Variants in CRISPLD2 observed in about 807,000 individuals in gnomAD.
CRISPLD2 encodes the protein cysteine-rich secretory protein LCCL domain-containing 2.
Under a neutral mutation model 71.1 loss-of-function variants are expected in CRISPLD2, and 47 were observed. The observed-to-expected ratio is 0.66, with a 90% CI of 0.52 to 0.84. The LOEUF is 0.84. CRISPLD2 is among the 40% of genes least tolerant of loss of function. The pLI, the probability that CRISPLD2 is intolerant of heterozygous loss-of-function variation, is 0.00. For missense variants in CRISPLD2, 830 were observed against 651.1 expected, an observed-to-expected ratio of 1.27 and a Z score of -2.99; for synonymous variants, 317 against 250.1, an observed-to-expected ratio of 1.27 and a Z score of -2.52.
intron 1 of CRISPLD2, among the ~76,000 whole-genome samples, chr16:84,837,224 C>G (rs1296741573): frequency 6.6e-6 from 1 of 152,148 alleles, no homozygotes; most frequent in East Asian, 1.9e-4. Flanking sequence ...AGATGGCAAG[C>G]CAGGAGGAGG....
chr16:84,888,452 C>A (rs1215669724), intron 13 of CRISPLD2, among the ~76,000 whole-genome samples: 1 of 152,208 alleles, frequency 6.6e-6, no homozygotes, highest in Non-Finnish European at 1.5e-5. Flanking sequence ...GGGAGGATCC[C>A]TTGAGCCTGG....
At chr16:84,836,659 C>A (rs77508795) in intron 1 of CRISPLD2, among the ~76,000 whole-genome samples, 2 of 152,172 alleles carry the variant, frequency 1.3e-5, no homozygotes, top group African/African-American at 2.4e-5. Flanking sequence ...CTGTTGCCAA[C>A]GTTTCTGCTT....
chr16:84,827,035 G>A (rs776932856), intron 1 of CRISPLD2, among the ~76,000 whole-genome samples: 1 of 151,946 alleles, frequency 6.6e-6, no homozygotes, highest in Admixed American at 6.6e-5. Flanking sequence ...GGGCACAGCC[G>A]TCTCTGTACC....
At chr16:84,901,048 A>C (rs1276072969) in intron 14 of CRISPLD2, among the ~76,000 whole-genome samples, 1 of 145,084 alleles carries the variant, frequency 6.9e-6, no homozygotes, top group Non-Finnish European at 1.5e-5. Flanking sequence ...CACACACGCA[A>C]AAAAAAAAAG....
intron 14 of CRISPLD2, among the ~76,000 whole-genome samples, chr16:84,902,537 G>A (rs1236941391): frequency 2.0e-5 from 3 of 151,582 alleles, no homozygotes; most frequent in African/African-American, 7.3e-5. Flanking sequence ...ATGAACCCAG[G>A]AGGTGGAGGT....
chr16:84,903,368 C>T lies in CRISPLD2; in HGVS notation c.1440-3220C>T, dbSNP rs551601820. On this transcript the variant is annotated intron_variant, in intron 14 of 14. Coordinates refer to ENST00000262424, the MANE Select transcript of CRISPLD2 (RefSeq NM_031476.4). ...GAGGCAGGCGGATCATGAGCTCAGG[C>T]GTTTGAGACCAGCCCGGCCAAGAGA... Among the ~76,000 whole-genome samples the T allele has an allele frequency of 1.1e-4, 17 of 152,060 alleles. No homozygotes were observed. In the East Asian group the frequency reaches 1.9e-3, roughly 17 times the overall value.
chr16:84,851,160 G>C (rs1255812963), intron 5 of CRISPLD2, among the ~76,000 whole-genome samples: 1 of 152,212 alleles, frequency 6.6e-6, no homozygotes, highest in Non-Finnish European at 1.5e-5. Flanking sequence ...CTGGCAGTAT[G>C]ATTATTTTTC....
chr16:84,879,631 G>C (rs1474649834), intron 12 of CRISPLD2, among the ~76,000 whole-genome samples: 1 of 152,056 alleles, frequency 6.6e-6, no homozygotes, highest in East Asian at 1.9e-4. Context: ...CAAAGTGCTG[G>C]GATCACAGGT....
At chr16:84,894,683 T>C (rs1450122546) in intron 14 of CRISPLD2, among the ~76,000 whole-genome samples, 1 of 152,214 alleles carries the variant, frequency 6.6e-6, no homozygotes. Context: ...TCCCAATATA[T>C]CCATATTATT....
intron 1 of CRISPLD2, among the ~76,000 whole-genome samples, chr16:84,828,524 T>C (rs1916410664): frequency 6.6e-6 from 1 of 152,162 alleles, no homozygotes; most frequent in Non-Finnish European, 1.5e-5. Context: ...GTAATTCCTT[T>C]CCCTTCGGAG....
chr16:84,850,881 G>A (rs979034298), intron 5 of CRISPLD2, among the ~76,000 whole-genome samples, 198 bp downstream of exon 5: 12 of 152,078 alleles, frequency 7.9e-5, no homozygotes, highest in South Asian at 2.1e-4. Flanking sequence ...TCTTCCTGCC[G>A]TACCATTCTC....
intron 14 of CRISPLD2, among the ~76,000 whole-genome samples, chr16:84,895,970 C>G (rs1199446088): frequency 6.6e-6 from 1 of 152,008 alleles, no homozygotes; most frequent in Non-Finnish European, 1.5e-5. Context: ...AAACCTGTAC[C>G]TGTCTAACTT....
At chr16:84,828,354 C>T (rs1210543388) in intron 1 of CRISPLD2, 4 of 152,202 alleles carry the variant, frequency 2.6e-5, no homozygotes, top group African/African-American at 7.2e-5. Context: ...AGCACCCTTC[C>T]TCCCCTAGCC....
intron 13 of CRISPLD2, among the ~76,000 whole-genome samples, chr16:84,887,817 G>A (rs1278232116): frequency 1.4e-4 from 21 of 152,244 alleles, no homozygotes; most frequent in Non-Finnish European, 8.8e-5. Flanking sequence ...CAGAGGTTGC[G>A]ATAAGCTGAG....
intron 10 of CRISPLD2, 138 bp from the exon 11 acceptor site, chr16:84,873,782 A>C (rs191429665): frequency 1.2e-6 from 1 of 800,694 alleles, no homozygotes; most frequent in African/African-American, 1.8e-5. Context: ...AAGAGCTCTC[A>C]GGCTGATAGG....
intron 5 of CRISPLD2, among the ~76,000 whole-genome samples, chr16:84,854,007 C>A (rs545688656): frequency 3.3e-5 from 5 of 152,334 alleles, no homozygotes; most frequent in Non-Finnish European, 7.3e-5. Context: ...GTGCGGCCTC[C>A]AGTTTTCCTG....
intron 1 of CRISPLD2, among the ~76,000 whole-genome samples, chr16:84,835,776 C>T (rs1352854659): frequency 2.0e-5 from 3 of 152,260 alleles, no homozygotes; most frequent in Admixed American, 2.0e-4. Flanking sequence ...AGCCTCTAAG[C>T]TGTGGAAGTC....
intron 1 of CRISPLD2, among the ~76,000 whole-genome samples, chr16:84,822,975 G>A (rs902333004): frequency 1.1e-4 from 16 of 152,272 alleles, no homozygotes; most frequent in South Asian, 1.0e-3. Flanking sequence ...ATTCCAGAGC[G>A]TTTCATCATC....
At chr16:84,894,283 C>T (rs923345108) in intron 14 of CRISPLD2, among the ~76,000 whole-genome samples, 6 of 152,320 alleles carry the variant, frequency 3.9e-5, no homozygotes, top group Non-Finnish European at 7.3e-5. Flanking sequence ...AAATGCCGGA[C>T]ATCTGGGTGA....
Sources: allele counts gnomAD v4.1 joint callset (sites outside exome capture counted in the v4.1 genomes callset), GRCh38; gene constraint gnomAD v4.1.1; transcripts MANE v1.5; gene names NCBI Gene and HGNC (gene_info 2026-07-23, HGNC 2026-07-21).